The following THSD7A variants were observed in gnomAD, a reference collection of about 807,000 sequenced individuals.
The protein encoded by THSD7A is thrombospondin type-1 domain-containing protein 7A.
THSD7A carries 96 observed loss-of-function variants against 231.3 expected under a neutral mutation model. The observed-to-expected ratio is 0.41, with a 90% CI of 0.35 to 0.49. The LOEUF (loss-of-function observed/expected upper bound fraction) is 0.49. THSD7A is among the 20% of genes least tolerant of loss of function. The pLI, the probability that THSD7A is intolerant of heterozygous loss-of-function variation, is 0.05. For missense variants in THSD7A, 2,290 were observed against 2,070.2 expected, an observed-to-expected ratio of 1.11 and a Z score of -2.06; for synonymous variants, 940 against 743.3, an observed-to-expected ratio of 1.26 and a Z score of -4.30.
chr7:11,588,102 T>G (rs1779991754), intron 4 of THSD7A, among the ~76,000 whole-genome samples: 1 of 152,182 alleles, frequency 6.6e-6, no homozygotes, highest in African/African-American at 2.4e-5. Context: ...GGAGTTGTTT[T>G]GAGGGATTTC....
At chr7:11,381,904 A>G (rs1782531618) in intron 24 of THSD7A, among the ~76,000 whole-genome samples, 1 of 152,082 alleles carries the variant, frequency 6.6e-6, no homozygotes. Context: ...CTTTGGAGGT[A>G]TATGTTGGTC....
chr7:11,723,425 T>G (rs945651413), intron 1 of THSD7A, among the ~76,000 whole-genome samples: 4 of 151,750 alleles, frequency 2.6e-5, no homozygotes, highest in African/African-American at 9.7e-5. Context: ...TGTATACATA[T>G]GTAACAAACC....
intron 6 of THSD7A, among the ~76,000 whole-genome samples, chr7:11,513,827 G>A (rs1448463636): frequency 1.3e-5 from 2 of 152,026 alleles, no homozygotes; most frequent in African/African-American, 4.8e-5. Context: ...AATTTGATGT[G>A]TTGATTATAG....
At chr7:11,493,298 A>G (rs1353548093) in intron 6 of THSD7A, among the ~76,000 whole-genome samples, 3 of 152,070 alleles carry the variant, frequency 2.0e-5, no homozygotes, top group Non-Finnish European at 2.9e-5. Flanking sequence ...GGGATGGGCC[A>G]AGATGGAACT....
intron 1 of THSD7A, among the ~76,000 whole-genome samples, chr7:11,769,482 G>A (rs376871224): frequency 1.3e-5 from 2 of 151,920 alleles, no homozygotes; most frequent in Non-Finnish European, 2.9e-5. Flanking sequence ...AACTTGTGAT[G>A]ATAAATGAGT....
chr7:11,691,232 CTT>C (rs1584219515), intron 1 of THSD7A, among the ~76,000 whole-genome samples: 2 of 151,600 alleles, frequency 1.3e-5, no homozygotes, highest in East Asian at 3.9e-4. Flanking sequence ...AAAAGATTCT[CTT>C]GTCATTCTAG....
chr7:11,746,813 G>C (rs1212954612), intron 1 of THSD7A, among the ~76,000 whole-genome samples: 1 of 151,914 alleles, frequency 6.6e-6, no homozygotes. Context: ...ATACTCTAGA[G>C]GGTGCGTTAA....
intron 6 of THSD7A, among the ~76,000 whole-genome samples, chr7:11,518,199 T>C (rs571331154): frequency 3.3e-5 from 5 of 152,184 alleles, no homozygotes; most frequent in Non-Finnish European, 7.3e-5. Context: ...TCTTACAGTT[T>C]AAATTGGAGA....
chr7:11,528,314 C>G (rs1268563903), intron 6 of THSD7A, among the ~76,000 whole-genome samples: 11 of 152,166 alleles, frequency 7.2e-5, no homozygotes, highest in African/African-American at 2.7e-4. Flanking sequence ...TCCAATGTCT[C>G]TTTTAATTAT....
chr7:11,376,764 C>T, intron 26 of THSD7A, 107 bp from the exon 27 acceptor site: 3 of 663,892 alleles, frequency 4.5e-6, no homozygotes, highest in Non-Finnish European at 7.3e-6. Flanking sequence ...TCTTTCAAAA[C>T]CCGAAAAGAA....
intron 1 of THSD7A, among the ~76,000 whole-genome samples, chr7:11,788,998 C>T (rs936919805): frequency 6.6e-6 from 1 of 151,758 alleles, no homozygotes; most frequent in Non-Finnish European, 1.5e-5. Flanking sequence ...TGAGGGAATA[C>T]TAAACCAAGT....
In THSD7A at chr7:11,474,535, T is replaced by C. The variant is rs1389379551; in HGVS notation, c.2051A>G (p.Gln684Arg). 6.2e-7 allele frequency: 1 copy of C among 1,606,750 alleles called. No individual in the cohort carries two copies. The highest frequency in any genetic ancestry group is 8.5e-7 in the Non-Finnish European group (1 of 1,174,854). The change falls in exon 8 of 28, where the codon CAA becomes CGA. Residue 684 changes from glutamine to arginine, a missense_variant. Coordinates refer to ENST00000423059, the MANE Select transcript of THSD7A (RefSeq NM_015204.3). The surrounding 1 kb of genome is among the most constrained non-coding windows in gnomAD (Gnocchi z 4.1). Reference sequence around the variant, plus strand: ...ATGCTCATTACAGCTTCGTACTTCTTGCAAAGCACTGCTATTTGGACAGCG... The same window carrying C: ...ATGCTCATTACAGCTTCGTACTTCTCGCAAAGCACTGCTATTTGGACAGCG... ...GIRCPNSSAL[Q>R]EVRSCNEHPC...
Position 11,379,666 on chromosome 7 carries a change from G to A in THSD7A, c.4554C>T (p.Asn1518=). The part of the protein sequence containing the change: ...MSQPDADRSC[N]PPCSQPHSYC... Reference sequence around the variant, plus strand: ...ACGAGTGGGGTTGACTACACGGTGGGTTACAAGACCTGTCGGCATCAGGCT... The same window carrying A: ...ACGAGTGGGGTTGACTACACGGTGGATTACAAGACCTGTCGGCATCAGGCT... The change falls in exon 25 of 28, where the codon AAC becomes AAT. Residue 1518 remains asparagine, a synonymous_variant. Transcript: ENST00000423059. The A allele has an allele frequency of 6.3e-7, 1 of 1,593,978 alleles. No homozygotes were observed. The highest frequency in any genetic ancestry group is 2.3e-5 in the East Asian group (1 of 43,984).
intron 23 of THSD7A, 91 bp from the exon 24 acceptor site, chr7:11,382,707 G>A (rs1782567350): frequency 3.1e-6 from 3 of 979,510 alleles, no homozygotes; most frequent in African/African-American, 3.2e-5. Context: ...TTACTGAAAA[G>A]TAATAAGCTC....
At chr7:11,749,645 CTT>C (rs1180999716) in intron 1 of THSD7A, among the ~76,000 whole-genome samples, 3 of 151,896 alleles carry the variant, frequency 2.0e-5, no homozygotes, top group Non-Finnish European at 4.4e-5. Context: ...AGAGTGGAAA[CTT>C]GAGAAGATAG....
chr7:11,559,863 G>A (rs914381644), intron 4 of THSD7A, among the ~76,000 whole-genome samples: 1 of 152,112 alleles, frequency 6.6e-6, no homozygotes, highest in Non-Finnish European at 1.5e-5. Context: ...AAGTTGTTTT[G>A]ATCAAAATGT....
At chr7:11,423,823 G>A (rs74734759) in intron 16 of THSD7A, among the ~76,000 whole-genome samples, 1,998 of 152,206 alleles carry the variant, frequency 0.013, 56 homozygotes, top group African/African-American at 0.045. Context: ...ATAAAACCTC[G>A]TGCATTTGTT....
intron 6 of THSD7A, among the ~76,000 whole-genome samples, chr7:11,501,439 C>A (rs1158386386): frequency 6.6e-6 from 1 of 152,132 alleles, no homozygotes; most frequent in Admixed American, 6.5e-5. Flanking sequence ...ACTCTTGGAC[C>A]ACAGCACAAT....
intron 6 of THSD7A, among the ~76,000 whole-genome samples, chr7:11,505,852 A>G (rs1787522409): frequency 6.6e-6 from 1 of 152,154 alleles, no homozygotes; most frequent in African/African-American, 2.4e-5. Flanking sequence ...TTATATAACT[A>G]TGGGGCTCAT....
Sources: allele counts gnomAD v4.1 joint callset (sites outside exome capture counted in the v4.1 genomes callset), GRCh38; gene constraint gnomAD v4.1.1; non-coding constraint Gnocchi (gnomAD v3.1); transcripts MANE v1.5; gene names NCBI Gene and HGNC (gene_info 2026-07-23, HGNC 2026-07-21).